Variants in PTPN4 observed in about 807,000 individuals in gnomAD.
The protein encoded by PTPN4 is tyrosine-protein phosphatase non-receptor type 4.
In PTPN4, 49 loss-of-function variants were observed where a neutral mutation model predicts 135.5. The observed-to-expected ratio is 0.36, with a 90% CI of 0.29 to 0.46. PTPN4 has a LOEUF of 0.46. PTPN4 is among the 20% of genes least tolerant of loss of function. PTPN4 has a pLI of 1.00. For synonymous variants in PTPN4, 333 were observed against 369.9 expected, an observed-to-expected ratio of 0.90 and a Z score of 1.14; for missense variants, 860 against 1,101.0, an observed-to-expected ratio of 0.78 and a Z score of 3.10.
In PTPN4 at chr2:119,877,165, T is replaced by C. The variant is rs569443032; in HGVS notation, c.247-158T>C. Among the ~76,000 whole-genome samples the C allele has an allele frequency of 1.9e-4, 28 of 150,988 alleles. No homozygotes were observed. The South Asian group carries it at 5.7e-3, about 31-fold the overall frequency. On this transcript the variant is annotated intron_variant, in intron 3 of 26. Coordinates refer to ENST00000263708, the MANE Select transcript of PTPN4 (RefSeq NM_002830.4). ...TAGCATAATTTTATTACATTTGATA[T>C]GAAAAATATTGTCTGTAATGCAATG...
At chr2:119,973,659 T>TTTG (rs1679570586) in intron 26 of PTPN4, among the ~76,000 whole-genome samples, 1 of 82,698 alleles carries the variant, frequency 1.2e-5, no homozygotes, top group South Asian at 5.2e-4. Flanking sequence ...TTTCTTGTTT[T>TTTG]TTTTTTTTTT....
chr2:119,975,365 C>T (rs1423750771), intron 26 of PTPN4, among the ~76,000 whole-genome samples: 1 of 152,218 alleles, frequency 6.6e-6, no homozygotes, highest in Non-Finnish European at 1.5e-5. Context: ...ATGCTCCCAC[C>T]TTGGCCTACG....
chr2:119,932,303 A>G (rs1296944519), intron 13 of PTPN4, 121 bp from the exon 14 acceptor site: 2 of 995,048 alleles, frequency 2.0e-6, no homozygotes, highest in South Asian at 2.1e-5. Context: ...AATTTTTTAC[A>G]AGTAAACTCT....
intron 2 of PTPN4, among the ~76,000 whole-genome samples, chr2:119,823,120 GT>G (rs1166456333): frequency 6.6e-6 from 1 of 151,784 alleles, no homozygotes; most frequent in Non-Finnish European, 1.5e-5. Flanking sequence ...AAATTCATCA[GT>G]TTATCAAGGC....
chr2:119,864,735 G>A (rs72836850), intron 3 of PTPN4, among the ~76,000 whole-genome samples: 3,201 of 152,134 alleles, frequency 0.021, 58 homozygotes, highest in Non-Finnish European at 0.033. Context: ...AAAGATGTAG[G>A]GCTAATTACA....
intron 10 of PTPN4, among the ~76,000 whole-genome samples, chr2:119,905,591 A>T (rs879815750): frequency 2.6e-5 from 4 of 152,216 alleles, no homozygotes; most frequent in Non-Finnish European, 5.9e-5. Flanking sequence ...CATTGGACTT[A>T]ATCTGCACGG....
intron 10 of PTPN4, among the ~76,000 whole-genome samples, chr2:119,904,036 A>G (rs1210770779): frequency 6.6e-6 from 1 of 152,238 alleles, no homozygotes; most frequent in African/African-American, 2.4e-5. Flanking sequence ...CAGCCAATTC[A>G]TAAAATTGGA....
At chr2:119,823,258 G>A (rs965777945) in intron 2 of PTPN4, among the ~76,000 whole-genome samples, 48 of 145,812 alleles carry the variant, frequency 3.3e-4, no homozygotes, top group African/African-American at 1.1e-3. Flanking sequence ...TTTTGGAGAC[G>A]CAGTCTCGCT....
At chr2:119,940,799 A>G (rs146766571) in intron 15 of PTPN4, among the ~76,000 whole-genome samples, 2 of 152,142 alleles carry the variant, frequency 1.3e-5, no homozygotes, top group African/African-American at 2.4e-5. Flanking sequence ...ACAGATTTCT[A>G]TGTACAATTG....
chr2:119,970,476 A>C (rs930761355), intron 26 of PTPN4, among the ~76,000 whole-genome samples: 3 of 151,436 alleles, frequency 2.0e-5, no homozygotes, highest in Non-Finnish European at 4.4e-5. Context: ...CCAACCCCCA[A>C]CCTCCAATCT....
chr2:119,815,682 T>C (rs947532859), intron 2 of PTPN4, among the ~76,000 whole-genome samples: 8 of 152,202 alleles, frequency 5.3e-5, no homozygotes, highest in Non-Finnish European at 7.3e-5. Flanking sequence ...ATTGTAGTTA[T>C]TCATGTACAT....
intron 19 of PTPN4, among the ~76,000 whole-genome samples, chr2:119,953,972 CAT>C (rs1338518943): frequency 6.6e-6 from 1 of 152,192 alleles, no homozygotes; most frequent in Non-Finnish European, 1.5e-5. Flanking sequence ...TAAATTGTTT[CAT>C]AGTCAAAATA....
At chr2:119,800,036 A>G (rs1420399379) in intron 1 of PTPN4, among the ~76,000 whole-genome samples, 1 of 152,192 alleles carries the variant, frequency 6.6e-6, no homozygotes, top group Non-Finnish European at 1.5e-5. Flanking sequence ...CTTTTTGGGT[A>G]AAAGGGAGAT....
chr2:119,948,743 CTATA>C (rs1380246596), intron 18 of PTPN4, among the ~76,000 whole-genome samples: 2 of 151,906 alleles, frequency 1.3e-5, no homozygotes, highest in African/African-American at 4.8e-5. Context: ...GGTAATGTAA[CTATA>C]TAAATATGGA....
intron 2 of PTPN4, among the ~76,000 whole-genome samples, chr2:119,817,105 T>C (rs1676999463): frequency 6.6e-6 from 1 of 152,218 alleles, no homozygotes; most frequent in Admixed American, 6.5e-5. Context: ...GCAATTGCTT[T>C]TGTTGTCTTC....
chr2:119,921,242 C>T (rs1678733129), intron 12 of PTPN4, among the ~76,000 whole-genome samples: 1 of 151,936 alleles, frequency 6.6e-6, no homozygotes, highest in Non-Finnish European at 1.5e-5. Context: ...GCCGACATCT[C>T]GCCATTGCAC....
chr2:119,876,688 A>G (rs1414643638), intron 3 of PTPN4, among the ~76,000 whole-genome samples: 1 of 152,200 alleles, frequency 6.6e-6, no homozygotes. Context: ...ACTGGCCTTC[A>G]GAAGTATTGA....
intron 1 of PTPN4, among the ~76,000 whole-genome samples, chr2:119,798,053 T>A (rs1434489414): frequency 6.6e-6 from 1 of 152,192 alleles, no homozygotes; most frequent in Non-Finnish European, 1.5e-5. Context: ...ATTAAATATG[T>A]TTAAAGGAAT....
In PTPN4 at chr2:119,812,762, T is replaced by C. The variant is rs896205213; in HGVS notation, c.138+2771T>C. 2.0e-4 allele frequency among the ~76,000 whole-genome samples: 30 copies of C among 152,220 alleles called. 1 individual carries two copies. The highest frequency in any genetic ancestry group is 1.4e-3 in the Admixed American group (22 of 15,278). ...ATATGAGAATTCATCTCACCAAATA[T>C]GTTTGCATTAACAACTCACTAAATA... On this transcript the variant is annotated intron_variant, in intron 2 of 26. Transcript: ENST00000263708.
Sources: gnomAD v4.1 joint callset for allele counts (sites outside exome capture counted in the v4.1 genomes callset) on GRCh38, gnomAD v4.1.1 for gene constraint, MANE v1.5 for transcripts, NCBI Gene and HGNC (gene_info 2026-07-23, HGNC 2026-07-21) for gene names.